Variants in SYNE1 observed in about 807,000 individuals in gnomAD.
SYNE1 encodes the protein nesprin-1.
Under a neutral mutation model 1,111.0 loss-of-function variants are expected in SYNE1, and 616 were observed. That is an observed-to-expected ratio of 0.55 (90% CI 0.52 to 0.59). The LOEUF (loss-of-function observed/expected upper bound fraction) is 0.59, where lower values mean the gene tolerates loss of function less well. SYNE1 is among the 20% of genes least tolerant of loss of function. The pLI is 0.00. For synonymous variants in SYNE1, 3,855 were observed against 3,825.8 expected, an observed-to-expected ratio of 1.01 and a Z score of -0.28; for missense variants, 10,006 against 10,417.0, an observed-to-expected ratio of 0.96 and a Z score of 1.72.
chr6:152,320,740 G>T (rs1398673905), intron 84 of SYNE1, among the ~76,000 whole-genome samples: 2 of 152,170 alleles, frequency 1.3e-5, no homozygotes, highest in Non-Finnish European at 2.9e-5. Context: ...AGAAGCTAGG[G>T]TTAAAATGAT....
chr6:152,550,793 C>T (rs2099342006), intron 3 of SYNE1, among the ~76,000 whole-genome samples: 1 of 151,938 alleles, frequency 6.6e-6, no homozygotes, highest in Admixed American at 6.6e-5. Flanking sequence ...GAGAGTGAAC[C>T]ATAATAAATA....
At chr6:152,610,648 C>T (rs543985559) in intron 3 of SYNE1, among the ~76,000 whole-genome samples, 53 of 152,184 alleles carry the variant, frequency 3.5e-4, no homozygotes, top group African/African-American at 1.2e-3. Context: ...CATAGAACAC[C>T]ACAAAGATAC....
rs1384390262 is a variant in SYNE1 at position 152,331,841 on chromosome 6, C to G, written c.12844G>C (p.Ala4282Pro). ...AVHLEALKKL[A>P]LALQERKYAI... ...TACTTTCTCTCCTGCAATGCCAATG[C>G]TAACTTTTTCAAAGCTTCCAGGTGG... The change falls in exon 78 of 146, where the codon GCA (alanine) becomes CCA (proline). Residue 4282 changes from alanine to proline, a missense_variant. By Grantham distance (27) the Ala-to-Pro change is conservative. Coordinates refer to ENST00000367255, the MANE Select transcript of SYNE1 (RefSeq NM_182961.4). The G allele has an allele frequency of 8.1e-6, 13 of 1,613,754 alleles. No individual in the cohort carries two copies. The highest frequency in any genetic ancestry group is 2.2e-5 in the East Asian group (1 of 44,902).
chr6:152,540,895 G>A (rs2099266240), intron 3 of SYNE1, among the ~76,000 whole-genome samples: 1 of 152,186 alleles, frequency 6.6e-6, no homozygotes, highest in Non-Finnish European at 1.5e-5. Context: ...TTGTGACAGA[G>A]CCCAAAAGTG....
chr6:152,230,725 A>C (rs2153510410), intron 114 of SYNE1, 23 bp from the exon 115 acceptor site: 1 of 1,612,594 alleles, frequency 6.2e-7, no homozygotes, highest in South Asian at 1.1e-5. Context: ...AATAAAATGA[A>C]ATTTGCAACT....
At chr6:152,145,315 A>G in intron 137 of SYNE1, 1 of 685,054 alleles carries the variant, frequency 1.5e-6, no homozygotes, top group Admixed American at 2.4e-5. Flanking sequence ...GTGAAATCTT[A>G]TTCTTGGTGT....
intron 55 of SYNE1, among the ~76,000 whole-genome samples, chr6:152,382,164 AT>A (rs1205068295): frequency 2.0e-5 from 3 of 152,254 alleles, no homozygotes; most frequent in Admixed American, 2.0e-4. Flanking sequence ...TCTTACTAAA[AT>A]TTTTCTTGGT....
chr6:152,465,247 A>ATG lies in SYNE1; in HGVS notation c.1932+10_1932+11insCA. 6.2e-7 allele frequency: 1 copy of ATG among 1,613,418 alleles called. No homozygotes were observed. Among genetic ancestry groups the ATG allele is most frequent in the Non-Finnish European group, 8.5e-7 (1 of 1,179,598 alleles). The stretch of plus-strand genomic sequence containing the variant: ...TCAAACGTCTTTTCTTTTTGCATGA[A>ATG]CCAATCTTACCTTTTTGGCATTTTC... On this transcript the variant is annotated intron_variant, in intron 18 of 145. Transcript: ENST00000367255.
chr6:152,618,675 A>T (rs1478605075), intron 3 of SYNE1, among the ~76,000 whole-genome samples: 1 of 152,232 alleles, frequency 6.6e-6, no homozygotes, highest in Non-Finnish European at 1.5e-5. Context: ...AATAAAAAAC[A>T]AAAAAGAACA....
chr6:152,202,024 C>T (rs1406674491), intron 126 of SYNE1, 75 bp from the exon 127 acceptor site: 5 of 1,545,790 alleles, frequency 3.2e-6, no homozygotes, highest in Non-Finnish European at 8.9e-7. Flanking sequence ...AAAAGAAACA[C>T]TCTTCTTCAT....
intron 2 of SYNE1, among the ~76,000 whole-genome samples, chr6:152,631,802 T>C (rs1246156774): frequency 4.6e-5 from 7 of 152,154 alleles, no homozygotes; most frequent in Non-Finnish European, 8.8e-5. Context: ...CTCTCAGGAT[T>C]TGGGGTGCCA....
At position 152,359,420 on chromosome 6, in the gene SYNE1, C is replaced by T; in HGVS notation, c.10338G>A (p.Leu3446=). ...NEEVLSYSSL[L]ETIEVKGAGM... The stretch of plus-strand genomic sequence containing the variant: ...CAGCCCCTTTGACTTCGATGGTCTC[C>T]AGCAAGCTGCTGTAACTCAGCACTT... Residue 3446 remains leucine (L), a synonymous_variant, in exon 65 of 146, where the codon CTG becomes CTA. Transcript: ENST00000367255. The T allele has an allele frequency of 6.2e-7, 1 of 1,614,162 alleles. No homozygotes were observed. The highest frequency in any genetic ancestry group is 8.5e-7 in the Non-Finnish European group (1 of 1,180,040).
chr6:152,407,757 A>C lies in SYNE1; in HGVS notation c.6541-561T>G, dbSNP rs887160279. Reference sequence around the variant, plus strand: ...ATAGCATGTTAAAAAAAATAAAAGAATGTTCTTTTTTTTTTTTTTTTTGAG... The same window carrying C: ...ATAGCATGTTAAAAAAAATAAAAGACTGTTCTTTTTTTTTTTTTTTTTGAG... On this transcript the variant is annotated intron_variant, in intron 44 of 145. Transcript: ENST00000367255. Among the ~76,000 whole-genome samples the C allele has an allele frequency of 7.0e-5, 10 of 142,228 alleles. No individual in the cohort carries two copies. The East Asian group carries it at 2.0e-3, about 29-fold the overall frequency. 93.3% of individuals were successfully genotyped at this position (142,228 alleles called of 152,430 possible). A position where few individuals can be genotyped will look rare whatever the true frequency, so the allele number is the denominator to read the frequency against.
Position 152,220,953 on chromosome 6 carries a change from CTGTT to C in SYNE1, c.21746_21749del (p.Lys7249SerfsTer17). On this transcript the variant is annotated frameshift_variant, in exon 119 of 146. Transcript: ENST00000367255. LOFTEE classifies it high-confidence loss of function. ...CCTGCTGCTGAACTGTCGAAGCACA[CTGTT>C]TGGAGTAGTCCTTGTATCTTTGCCA... 6.2e-7 allele frequency: 1 copy of C among 1,614,178 alleles called. No homozygotes were observed. Among genetic ancestry groups the C allele is most frequent in the South Asian group, 1.1e-5 (1 of 91,086 alleles).
chr6:152,442,428 A>G (rs1778961362), intron 30 of SYNE1, among the ~76,000 whole-genome samples, 183 bp from the exon 31 acceptor site: 2 of 152,206 alleles, frequency 1.3e-5, no homozygotes, highest in Admixed American at 1.3e-4. Context: ...TTATTTATAA[A>G]TATTGTATGT....
At chr6:152,456,538 T>C (rs1448855840) in intron 22 of SYNE1, 1 of 223,094 alleles carries the variant, frequency 4.5e-6, no homozygotes, top group Admixed American at 5.3e-5. Flanking sequence ...TTTGAAGGTG[T>C]ACAACCTATC....
rs1344717842 is a variant in SYNE1, at chr6:152,141,054, A to G, written c.25246+149T>C. 6.7e-6 allele frequency: 8 copies of G among 1,200,444 alleles called. No homozygotes were observed. The African/African-American group carries it at 1.2e-4, about 18-fold the overall frequency. The allele number at this position is 1,200,444 out of a possible 1,614,324, so 74.4% of individuals were successfully genotyped here. A position where few individuals can be genotyped will look rare whatever the true frequency, so the allele number is the denominator to read the frequency against. The stretch of plus-strand genomic sequence containing the variant: ...CGCCTCAAAAAACAAACAAACAACA[A>G]AAAAGGAGACTGTTATAACTTGGAA... On this transcript the variant is annotated intron_variant, in intron 139 of 145. Coordinates refer to ENST00000367255, the MANE Select transcript of SYNE1 (RefSeq NM_182961.4).
At chr6:152,190,659 C>G (rs1034889380) in intron 127 of SYNE1, among the ~76,000 whole-genome samples, 6 of 152,114 alleles carry the variant, frequency 3.9e-5, no homozygotes. Flanking sequence ...GTTGTTCTAT[C>G]AAATACTTTT....
At chr6:152,339,210 AC>A in intron 75 of SYNE1, 30 bp downstream of exon 75, 1 of 1,611,116 alleles carries the variant, frequency 6.2e-7, no homozygotes. Context: ...AATAAAACAA[AC>A]AAATTCAATG....
Sources: gnomAD v4.1 joint callset for allele counts (sites outside exome capture counted in the v4.1 genomes callset) on GRCh38, gnomAD v4.1.1 for gene constraint, MANE v1.5 for transcripts, NCBI Gene and HGNC (gene_info 2026-07-23, HGNC 2026-07-21) for gene names.